ADAMTS14: variants seen among roughly 807,000 people sequenced by gnomAD.
ADAMTS14 encodes A disintegrin and metalloproteinase with thrombospondin motifs 14.
In ADAMTS14, 100 loss-of-function variants were observed where a neutral mutation model predicts 128.6. The observed-to-expected ratio is 0.78, with a 90% confidence interval of 0.66 to 0.92. The LOEUF is 0.92. ADAMTS14 is among the 40% of genes least tolerant of loss of function. The pLI is 0.00. For synonymous variants in ADAMTS14, 665 were observed against 653.8 expected (o/e 1.02, Z -0.26); for missense variants, 1,562 against 1,658.6 (o/e 0.94, Z 1.01).
At chr10:70,720,553 G>A (rs1841224570) in intron 4 of ADAMTS14, among the ~76,000 whole-genome samples, 1 of 152,186 alleles carries the variant, frequency 6.6e-6, no homozygotes, top group Admixed American at 6.5e-5. Context: ...TCCCAACCCA[G>A]GGTAAACCAG....
intron 1 of ADAMTS14, 71 bp from the exon 2 acceptor site, chr10:70,674,485 C>T (rs184161702): frequency 2.7e-5 from 39 of 1,468,310 alleles, no homozygotes; most frequent in African/African-American, 4.2e-5. Context: ...TCCCTGCCCG[C>T]GTGGGATTTC....
At chr10:70,724,280 G>A (rs1460777511) in intron 4 of ADAMTS14, among the ~76,000 whole-genome samples, 1 of 152,226 alleles carries the variant, frequency 6.6e-6, no homozygotes, top group Non-Finnish European at 1.5e-5. Context: ...TTTGAACATG[G>A]CGCAGAGGTG....
At position 70,674,781 on chromosome 10, in the gene ADAMTS14, G is replaced by A. The variant is rs1257663269; in HGVS notation, c.308G>A (p.Arg103His). 6 of 1,613,322 alleles carry A rather than the reference G, an allele frequency of 3.7e-6. No individual in the cohort carries two copies. The African/African-American group carries it at 4.0e-5, about 11-fold the overall frequency. ...ACCCTGTGGCCTGGCAGGGTGGGGC[G>A]CCACTCCCTCTACTTCAATGTCACT... Reference protein sequence around the residue: ...GGTLWPGRVGRHSLYFNVTVF... With the variant: ...GGTLWPGRVGHHSLYFNVTVF... The change falls in exon 2 of 22, where the codon CGC becomes CAC. Residue 103 changes from arginine to histidine, a missense_variant. By Grantham distance (29) the Arg-to-His change is conservative (BLOSUM62 0). Coordinates refer to ENST00000373207, the MANE Select transcript of ADAMTS14 (RefSeq NM_080722.4).
intron 5 of ADAMTS14, among the ~76,000 whole-genome samples, chr10:70,729,782 AT>A (rs1245888671): frequency 6.6e-6 from 1 of 152,270 alleles, no homozygotes; most frequent in African/African-American, 2.4e-5. Flanking sequence ...TGAAGATTAA[AT>A]AAAGCAATGA....
chr10:70,705,163 G>A (rs1445174647), intron 3 of ADAMTS14, among the ~76,000 whole-genome samples: 3 of 152,234 alleles, frequency 2.0e-5, no homozygotes, highest in Non-Finnish European at 2.9e-5. Context: ...GAACCGTTCA[G>A]AGTCCAGGGG....
chr10:70,760,818 G>A lies in ADAMTS14; in HGVS notation c.3637G>A (p.Gly1213Ser), dbSNP rs199808841. The stretch of plus-strand genomic sequence containing the variant: ...ACCTGGAGAAGACCTGAGACATCCC[G>A]GCACCAGCCTCCCTGCTGCCTCCCC... ...GQPGEDLRHP[G>S]TSLPAASPVT Residue 1213 changes from glycine (G) to serine (S), a missense_variant, in exon 22 of 22, where the codon GGC becomes AGC. Coordinates refer to ENST00000373207, the MANE Select transcript of ADAMTS14 (RefSeq NM_080722.4). The A allele has an allele frequency of 6.7e-5, 107 of 1,588,360 alleles. 1 individual carries two copies. The highest frequency in any genetic ancestry group is 3.4e-4 in the Middle Eastern group (2 of 5,932).
chr10:70,722,691 G>A (rs1206868827), intron 4 of ADAMTS14, among the ~76,000 whole-genome samples: 2 of 152,130 alleles, frequency 1.3e-5, no homozygotes, highest in African/African-American at 4.8e-5. Flanking sequence ...GTGTTTACAG[G>A]ACACAGGACC....
At position 70,674,962 on chromosome 10, in the gene ADAMTS14, G is replaced by A; in HGVS notation, c.489G>A (p.Gly163=). 6.2e-7 allele frequency: 1 copy of A among 1,613,000 alleles called. No individual in the cohort carries two copies. Among genetic ancestry groups the A allele is most frequent in the East Asian group, 2.2e-5 (1 of 44,880 alleles). Residue 163 remains glycine, a synonymous_variant, in exon 2 of 22, where the codon GGG becomes GGA. Transcript: ENST00000373207. Reference sequence around the variant, plus strand: ...CTGGAGGTGTCACTGGAATGCCTGGGGCAGCTGTTGCCATCAGCAACTGTG... The same window carrying A: ...CTGGAGGTGTCACTGGAATGCCTGGAGCAGCTGTTGCCATCAGCAACTGTG... ...VYTGGVTGMP[G]AAVAISNCDG... is the part of the protein sequence containing the mutation.
intron 2 of ADAMTS14, among the ~76,000 whole-genome samples, chr10:70,685,149 C>T (rs1775326743): frequency 6.6e-6 from 1 of 152,188 alleles, no homozygotes; most frequent in Non-Finnish European, 1.5e-5. Flanking sequence ...GGGGGCTGTG[C>T]TTGTCTCTCC....
chr10:70,696,737 G>T (rs1459628677), intron 2 of ADAMTS14, among the ~76,000 whole-genome samples: 3 of 152,190 alleles, frequency 2.0e-5, no homozygotes, highest in African/African-American at 7.2e-5. Context: ...AGGGTTAGGT[G>T]AGCAGGGCAG....
At chr10:70,741,881 G>A (rs1196106736) in intron 12 of ADAMTS14, among the ~76,000 whole-genome samples, 1 of 152,196 alleles carries the variant, frequency 6.6e-6, no homozygotes, top group Non-Finnish European at 1.5e-5. Context: ...AGCCTCGGCT[G>A]GAAGAGCCCT....
chr10:70,754,379 C>T (rs1842431027), intron 19 of ADAMTS14, among the ~76,000 whole-genome samples: 1 of 152,204 alleles, frequency 6.6e-6, no homozygotes, highest in South Asian at 2.1e-4. Context: ...GATTCTTGCC[C>T]TCGTGCAGCC....
rs3832690 is a variant in ADAMTS14 at position 70,762,157 on chromosome 10, GA to G, written c.*1305del. On this transcript the variant is annotated 3_prime_UTR_variant, in exon 22 of 22. Coordinates refer to ENST00000373207, the MANE Select transcript of ADAMTS14 (RefSeq NM_080722.4). ...GATGTCTCCTAAACTCCTGCCAGGTGATAGAGGTGCTTCTCACTTCTTCCTT... is the reference window on the plus strand; with the variant it reads ...GATGTCTCCTAAACTCCTGCCAGGTGTAGAGGTGCTTCTCACTTCTTCCTT... 0.44 allele frequency: 66,464 copies of G among 152,588 alleles called. 14,519 individuals carry two copies. The highest frequency in any genetic ancestry group is 0.47 in the Non-Finnish European group (32,174 of 68,044). The allele number at this position is 152,588 out of a possible 1,614,324, so 9.5% of individuals were successfully genotyped here.
intron 18 of ADAMTS14, 21 bp downstream of exon 18, chr10:70,752,248 A>T: frequency 6.2e-7 from 1 of 1,612,318 alleles, no homozygotes; most frequent in Non-Finnish European, 8.5e-7. Flanking sequence ...CCAGGGAGGG[A>T]CGGGGAGTCT....
In ADAMTS14 at chr10:70,674,546, C is replaced by T. The variant is rs1839580976; in HGVS notation, c.83-10C>T. 1.2e-6 allele frequency: 2 copies of T among 1,604,870 alleles called. No individual in the cohort carries two copies. The highest frequency in any genetic ancestry group is 1.7e-6 in the Non-Finnish European group (2 of 1,173,824). ...CTGCATTGAAGTGACTCTTTGTTTA[C>T]CTCCAACAGAGCTGCACCTCTCTGG... On this transcript the variant is annotated splice_polypyrimidine_tract_variant and intron_variant, in intron 1 of 21. Coordinates refer to ENST00000373207, the MANE Select transcript of ADAMTS14 (RefSeq NM_080722.4).
chr10:70,752,776 G>A (rs932210462), intron 18 of ADAMTS14, among the ~76,000 whole-genome samples: 14 of 152,174 alleles, frequency 9.2e-5, no homozygotes, highest in Non-Finnish European at 1.5e-5. Flanking sequence ...TGCTGCCTGG[G>A]TCTCGTCAGC....
At chr10:70,684,865 G>T (rs980718463) in intron 2 of ADAMTS14, among the ~76,000 whole-genome samples, 4 of 152,146 alleles carry the variant, frequency 2.6e-5, no homozygotes, top group Non-Finnish European at 5.9e-5. Flanking sequence ...CCTGGGTCCT[G>T]GGTCCTGGGT....
At chr10:70,731,135 C>T (rs1841624846) in intron 6 of ADAMTS14, among the ~76,000 whole-genome samples, 1 of 151,950 alleles carries the variant, frequency 6.6e-6, no homozygotes, top group South Asian at 2.1e-4. Flanking sequence ...TGCACACAGA[C>T]ACATGCACAC....
intron 6 of ADAMTS14, 123 bp from the exon 7 acceptor site, chr10:70,732,131 T>G: frequency 1.2e-6 from 1 of 844,830 alleles, no homozygotes; most frequent in Non-Finnish European, 1.9e-6. Context: ...AGCATCTGTC[T>G]TCCTCCAGGA....
Sources: gnomAD v4.1 joint callset for allele counts (sites outside exome capture counted in the v4.1 genomes callset) on GRCh38, gnomAD v4.1.1 for gene constraint, MANE v1.5 for transcripts, NCBI Gene and HGNC (gene_info 2026-07-23, HGNC 2026-07-21) for gene names.